The following DTHD1 variants were observed in gnomAD, a reference collection of about 807,000 sequenced individuals.
DTHD1 encodes death domain containing 1.
Under a neutral mutation model 74.8 loss-of-function variants are expected in DTHD1, and 59 were observed. The ratio of observed to expected loss-of-function variants is 0.79; its 90% CI spans 0.64 to 0.98. DTHD1 has a LOEUF of 0.98. DTHD1 is among the 50% of genes least tolerant of loss of function. The pLI, the probability that DTHD1 is intolerant of heterozygous loss-of-function variation, is 0.00. For missense variants in DTHD1, 1,051 were observed against 1,065.4 expected (o/e 0.99, Z 0.19); for synonymous variants, 365 against 371.1 (o/e 0.98, Z 0.19).
intron 8 of DTHD1, among the ~76,000 whole-genome samples, chr4:36,320,418 T>C (rs990886269): frequency 4.6e-5 from 7 of 152,222 alleles, no homozygotes; most frequent in African/African-American, 1.7e-4. Flanking sequence ...CTGCAAACCT[T>C]ACAGTTACTC....
rs1693806609 is a variant in DTHD1, at chr4:36,344,708, TC to T, written c.*888del. 2.0e-5 allele frequency: 3 copies of T among 152,200 alleles called. No homozygotes were observed. The highest frequency in any genetic ancestry group is 7.2e-5 in the African/African-American group (3 of 41,442). The allele number at this position is 152,200 out of a possible 1,614,324, so 9.4% of individuals were successfully genotyped here. A position where few individuals can be genotyped will look rare whatever the true frequency, so the allele number is the denominator to read the frequency against. Reference sequence around the variant, plus strand: ...GGGTATTATGGAGTCATGTCCAACCTCCCCTTCCCAGCATGGCCTAAACTAG... The same window carrying T: ...GGGTATTATGGAGTCATGTCCAACCTCCCTTCCCAGCATGGCCTAAACTAG... On this transcript the variant is annotated 3_prime_UTR_variant, in exon 10 of 10. Transcript: ENST00000639862.
rs866698643 is a variant in DTHD1, at chr4:36,294,873, C to T, written c.1477C>T (p.Pro493Ser). ...TTTCTACTCAGTCCAATCCACAAGC[C>T]CTCTGATTCACATTCAGCACCCATC... is the stretch of plus-strand genomic sequence containing the variant. ...DTFYSVQSTS[P>S]LIHIQHPSTY... Residue 493 changes from proline to serine, a missense_variant, in exon 5 of 10, where the codon CCT becomes TCT. Coordinates refer to ENST00000639862, the MANE Select transcript of DTHD1 (RefSeq NM_001170700.3). The T allele has an allele frequency of 6.4e-7, 1 of 1,551,832 alleles. No homozygotes were observed. The highest frequency in any genetic ancestry group is 8.7e-7 in the Non-Finnish European group (1 of 1,146,766).
chr4:36,306,292 A>G lies in DTHD1; in HGVS notation c.1745A>G (p.Asp582Gly). ...SQDSGWCGLD[D>G]VVKTIQSGLV... Reference sequence around the variant, plus strand: ...GACAGTGGTTGGTGTGGGCTTGATGATGTTGTGAAAACCATACAGAGCGGC... The same window carrying G: ...GACAGTGGTTGGTGTGGGCTTGATGGTGTTGTGAAAACCATACAGAGCGGC... The change falls in exon 6 of 10, where the codon GAT (aspartate) becomes GGT (glycine). Residue 582 changes from aspartate to glycine, a missense_variant. By Grantham distance (94) the Asp-to-Gly change is moderately conservative (BLOSUM62 -1). Coordinates refer to ENST00000639862, the MANE Select transcript of DTHD1 (RefSeq NM_001170700.3). The G allele has an allele frequency of 6.4e-7, 1 of 1,551,712 alleles. No homozygotes were observed.
Position 36,294,954 on chromosome 4 carries a change from G to A in DTHD1, c.1558G>A (p.Asp520Asn), listed in dbSNP as rs1354281497. ...GTTTTTACCTTGTTCTCCATACCTT[G>A]ATAAAAACAACCTTGGTTCTGAGAT... Reference protein sequence around the residue: ...TLFLPCSPYLDKNNLGSEIDH... With the variant: ...TLFLPCSPYLNKNNLGSEIDH... Residue 520 changes from aspartate (D) to asparagine (N), a missense_variant, in exon 5 of 10, where the codon GAT (aspartate) becomes AAT (asparagine). By Grantham distance (23) the Asp-to-Asn change is conservative (BLOSUM62 1). Transcript: ENST00000639862. 1 of 1,551,336 alleles carries A rather than the reference G, an allele frequency of 6.4e-7. No individual in the cohort carries two copies. Among genetic ancestry groups the A allele is most frequent in the Admixed American group, 2.0e-5 (1 of 50,938 alleles).
chr4:36,284,616 G>T (rs745479579), intron 2 of DTHD1, 25 bp downstream of exon 2: 1 of 1,442,124 alleles, frequency 6.9e-7, no homozygotes, highest in Non-Finnish European at 9.2e-7. Flanking sequence ...TGTGGGAAGT[G>T]CTTAAGTATG....
chr4:36,312,448 T>C (rs1757460573), intron 7 of DTHD1, among the ~76,000 whole-genome samples: 1 of 152,070 alleles, frequency 6.6e-6, no homozygotes. Flanking sequence ...AGCAAATAAG[T>C]AAATAAAATG....
chr4:36,336,803 G>A (rs1001938997), intron 8 of DTHD1, among the ~76,000 whole-genome samples: 5 of 152,184 alleles, frequency 3.3e-5, no homozygotes, highest in African/African-American at 9.7e-5. Flanking sequence ...CTAAAAGCAA[G>A]AAAAGAAAAA....
chr4:36,338,347 C>A (rs1279266120), intron 8 of DTHD1, among the ~76,000 whole-genome samples: 5 of 152,092 alleles, frequency 3.3e-5, no homozygotes, highest in Non-Finnish European at 7.4e-5. Context: ...GTTTGTTCAA[C>A]TATTTTTCCA....
intron 2 of DTHD1, among the ~76,000 whole-genome samples, chr4:36,285,113 T>C (rs918120755): frequency 1.7e-4 from 26 of 152,198 alleles, no homozygotes; most frequent in Admixed American, 1.6e-3. Flanking sequence ...ATATGGCCAC[T>C]ATTATTAATA....
intron 7 of DTHD1, chr4:36,315,929 G>A (rs10003169): frequency 0.76 from 125,118 of 164,244 alleles, 48,699 homozygotes; most frequent in African/African-American, 0.93. Context: ...ACACAAAGTG[G>A]CACATCTTTT....
intron 5 of DTHD1, among the ~76,000 whole-genome samples, chr4:36,301,954 T>C (rs1048636306): frequency 6.6e-6 from 1 of 152,170 alleles, no homozygotes; most frequent in African/African-American, 2.4e-5. Context: ...CTCATTTTTG[T>C]CCAGAAACTG....
At chr4:36,336,352 C>CTTT in intron 8 of DTHD1, among the ~76,000 whole-genome samples, 1 of 71,900 alleles carries the variant, frequency 1.4e-5, no homozygotes, top group East Asian at 2.5e-4. Context: ...CGAATGGCAC[C>CTTT]TTTTGTTGTT....
At chr4:36,320,181 T>A (rs1489386845) in intron 8 of DTHD1, among the ~76,000 whole-genome samples, 2 of 152,246 alleles carry the variant, frequency 1.3e-5, no homozygotes, top group Non-Finnish European at 2.9e-5. Flanking sequence ...TGTATGTCTA[T>A]GTACCATATA....
chr4:36,297,530 T>G (rs142772128), intron 5 of DTHD1, among the ~76,000 whole-genome samples: 137 of 152,280 alleles, frequency 9.0e-4, no homozygotes, highest in African/African-American at 1.9e-3. Context: ...TTAATTTTTT[T>G]TGTGTGTGCT....
chr4:36,323,085 G>A (rs76160309), intron 8 of DTHD1, among the ~76,000 whole-genome samples: 127 of 152,302 alleles, frequency 8.3e-4, no homozygotes, highest in African/African-American at 2.8e-3. Context: ...TCACCTATTC[G>A]AGGCTGGAGT....
chr4:36,329,065 T>G (rs1651594979), intron 8 of DTHD1, among the ~76,000 whole-genome samples: 1 of 152,252 alleles, frequency 6.6e-6, no homozygotes, highest in Non-Finnish European at 1.5e-5. Context: ...GTTTTTCTTT[T>G]ATGCTTTACC....
intron 9 of DTHD1, among the ~76,000 whole-genome samples, chr4:36,342,425 A>G (rs1192854718): frequency 6.6e-6 from 1 of 152,132 alleles, no homozygotes; most frequent in African/African-American, 2.4e-5. Context: ...GGTGAGCATG[A>G]AAGTGGGAGA....
At chr4:36,287,060 A>G (rs1755757861) in intron 2 of DTHD1, among the ~76,000 whole-genome samples, 1 of 151,710 alleles carries the variant, frequency 6.6e-6, no homozygotes, top group African/African-American at 2.4e-5. Flanking sequence ...GATTTCTGAG[A>G]TTTTGGTGCA....
At chr4:36,305,400 A>T (rs1756984819) in intron 5 of DTHD1, among the ~76,000 whole-genome samples, 1 of 152,142 alleles carries the variant, frequency 6.6e-6, no homozygotes, top group South Asian at 2.1e-4. Flanking sequence ...AATGAGAGCC[A>T]AGCAAAAGGA....
Sources: allele counts gnomAD v4.1 joint callset (sites outside exome capture counted in the v4.1 genomes callset), GRCh38; gene constraint gnomAD v4.1.1; transcripts MANE v1.5; gene names NCBI Gene and HGNC (gene_info 2026-07-23, HGNC 2026-07-21).